Variants in ARIH1 observed in about 807,000 individuals in gnomAD.
ARIH1 encodes the protein E3 ubiquitin-protein ligase ARIH1.
In ARIH1, 8 loss-of-function variants were observed where a neutral mutation model predicts 85.0. The observed-to-expected ratio is 0.09, with a 90% CI of 0.06 to 0.17. ARIH1 has a LOEUF of 0.17. Among genes scored for constraint, ARIH1 ranks in the 10% least tolerant of loss-of-function variants. ARIH1 has a pLI of 1.00. For synonymous variants in ARIH1, 238 were observed against 253.6 expected, an observed-to-expected ratio of 0.94 and a Z score of 0.59; for missense variants, 311 against 718.1, an observed-to-expected ratio of 0.43 and a Z score of 6.48.
chr15:72,480,480 C>T (rs768979733), intron 1 of ARIH1, among the ~76,000 whole-genome samples: 4 of 151,908 alleles, frequency 2.6e-5, no homozygotes, highest in Non-Finnish European at 5.9e-5. Flanking sequence ...AGGCTGGTCT[C>T]GAACTCCTGA....
chr15:72,477,081 C>G (rs191427880), intron 1 of ARIH1, among the ~76,000 whole-genome samples: 2 of 152,248 alleles, frequency 1.3e-5, no homozygotes, highest in East Asian at 3.9e-4. Flanking sequence ...AGAATTTGCT[C>G]ATTTTCAATG....
In ARIH1 at chr15:72,599,380, A is replaced by C. The variant is rs2064374566; in HGVS notation, c.*16088A>C. The C allele has an allele frequency of 1.3e-5, 2 of 152,210 alleles. No individual in the cohort carries two copies. 9.4% of individuals were successfully genotyped at this position (152,210 alleles called of 1,614,324 possible). ...GATAATACAAAGTTAAATTTTGTAG[A>C]ATCATAAAGAAAAGCAACACCTTCC... On this transcript the variant is annotated 3_prime_UTR_variant, in exon 14 of 14. Transcript: ENST00000379887.
chr15:72,487,897 A>G (rs1595849752), intron 1 of ARIH1, among the ~76,000 whole-genome samples: 1 of 151,984 alleles, frequency 6.6e-6, no homozygotes, highest in Non-Finnish European at 1.5e-5. Context: ...ATTTTTTTCA[A>G]TCTCATCTGC....
In ARIH1 at chr15:72,585,955, G is replaced by A. The variant is rs1407338297; in HGVS notation, c.*2663G>A. ...AAGCACCAAGGTCTCCATGTCTTGA[G>A]GTCAGTTTCATTGTCTTTTGAAAAG... On this transcript the variant is annotated 3_prime_UTR_variant, in exon 14 of 14. Coordinates refer to ENST00000379887, the MANE Select transcript of ARIH1 (RefSeq NM_005744.5). 1 of 152,090 alleles carries A rather than the reference G, an allele frequency of 6.6e-6. No individual in the cohort carries two copies. Among genetic ancestry groups the A allele is most frequent in the Non-Finnish European group, 1.5e-5 (1 of 68,002 alleles). The allele number at this position is 152,090 out of a possible 1,614,324, so 9.4% of individuals were successfully genotyped here. A position where few individuals can be genotyped will look rare whatever the true frequency, so the allele number is the denominator to read the frequency against.
rs191909414 is a variant in ARIH1, at chr15:72,507,947, G to C, written c.376-10120G>C. ...CTACAGATGTACTTTTTCGGAGCCT[G>C]TGTAGTGGGAAATTGTTTAGAGCAG... On this transcript the variant is annotated intron_variant, in intron 1 of 13. Coordinates refer to ENST00000379887, the MANE Select transcript of ARIH1 (RefSeq NM_005744.5). Among the ~76,000 whole-genome samples, 9 of 152,324 alleles carry C rather than the reference G, an allele frequency of 5.9e-5. No individual in the cohort carries two copies. The East Asian group carries it at 9.6e-4, about 16-fold the overall frequency.
In ARIH1 at chr15:72,474,433, G is replaced by GCTCC. The variant is rs778274130; in HGVS notation, c.-194_-191dup. 5 of 641,496 alleles carry GCTCC rather than the reference G, an allele frequency of 7.8e-6. No individual in the cohort carries two copies. Among genetic ancestry groups the GCTCC allele is most frequent in the African/African-American group, 1.9e-5 (1 of 51,502 alleles). 39.7% of individuals were successfully genotyped at this position (641,496 alleles called of 1,614,324 possible). ...GAGGCGGGCAGCAAGCGGCCCCCTC[G>GCTCC]CTCCCTCCCTCCCTCCTCCGCGCCC... On this transcript the variant is annotated 5_prime_UTR_variant, in exon 1 of 14. Transcript: ENST00000379887.
chr15:72,475,378 T>G (rs2063790678), intron 1 of ARIH1, among the ~76,000 whole-genome samples: 1 of 151,376 alleles, frequency 6.6e-6, no homozygotes, highest in Non-Finnish European at 1.5e-5. Context: ...AGAAGAGGAG[T>G]CAGGAAGAAT....
At chr15:72,549,567 C>A (rs1312929498) in intron 3 of ARIH1, among the ~76,000 whole-genome samples, 1 of 152,076 alleles carries the variant, frequency 6.6e-6, no homozygotes, top group African/African-American at 2.4e-5. Context: ...TACGTCCCAC[C>A]CTATTTTCCT....
chr15:72,563,001 G>A (rs1395482186), intron 6 of ARIH1, among the ~76,000 whole-genome samples: 1 of 151,902 alleles, frequency 6.6e-6, no homozygotes, highest in Non-Finnish European at 1.5e-5. Flanking sequence ...TACCAGAGAA[G>A]CAATATAAAT....
At chr15:72,554,314 A>G (rs958105362) in intron 3 of ARIH1, among the ~76,000 whole-genome samples, 4 of 152,198 alleles carry the variant, frequency 2.6e-5, no homozygotes, top group Admixed American at 1.3e-4. Context: ...AAGTTGCTGT[A>G]CCATTTTACA....
Position 72,594,808 on chromosome 15 carries a change from C to CTTT in ARIH1, c.*11518_*11519insTTT, listed in dbSNP as rs1595878638. 1 of 41,014 alleles carries CTTT rather than the reference C, an allele frequency of 2.4e-5. No homozygotes were observed. Among genetic ancestry groups the CTTT allele is most frequent in the African/African-American group, 1.1e-4 (1 of 9,124 alleles). The allele number at this position is 41,014 out of a possible 1,614,324, so 2.5% of individuals were successfully genotyped here. On this transcript the variant is annotated 3_prime_UTR_variant, in exon 14 of 14. Transcript: ENST00000379887. ...TTCTTTTTCTGATTTTATGCCTTTTCTTCTTTTTTTTTTTTTTTTTTTTTT... is the reference window on the plus strand; with the variant it reads ...TTCTTTTTCTGATTTTATGCCTTTTCTTTTTCTTTTTTTTTTTTTTTTTTTTTT...
At chr15:72,548,484 A>G (rs1369120934) in intron 3 of ARIH1, among the ~76,000 whole-genome samples, 1 of 152,244 alleles carries the variant, frequency 6.6e-6, no homozygotes, top group Non-Finnish European at 1.5e-5. Flanking sequence ...CAATAAATGT[A>G]ATGAAATTAC....
At chr15:72,568,236 T>C (rs1400426354) in intron 9 of ARIH1, among the ~76,000 whole-genome samples, 2 of 152,128 alleles carry the variant, frequency 1.3e-5, no homozygotes, top group African/African-American at 2.4e-5. Context: ...TGTCAGAAAG[T>C]GGTTACTTGT....
intron 3 of ARIH1, among the ~76,000 whole-genome samples, chr15:72,546,066 C>CT (rs1393772511): frequency 6.6e-6 from 1 of 152,164 alleles, no homozygotes; most frequent in African/African-American, 2.4e-5. Context: ...TCTCACTATG[C>CT]TACCCAGGCT....
intron 5 of ARIH1, among the ~76,000 whole-genome samples, chr15:72,561,189 C>T (rs542923474): frequency 1.3e-5 from 2 of 152,260 alleles, no homozygotes; most frequent in Non-Finnish European, 1.5e-5. Context: ...TGCGCTTATA[C>T]TTGGCACTAG....
At chr15:72,490,398 C>T (rs1204817040) in intron 1 of ARIH1, among the ~76,000 whole-genome samples, 7 of 152,072 alleles carry the variant, frequency 4.6e-5, no homozygotes, top group Non-Finnish European at 8.8e-5. Context: ...AGCTCTGCCT[C>T]GTGTCAGATT....
At chr15:72,492,186 TAAA>T (rs2063862156) in intron 1 of ARIH1, among the ~76,000 whole-genome samples, 1 of 152,180 alleles carries the variant, frequency 6.6e-6, no homozygotes, top group Admixed American at 6.6e-5. Context: ...CAAAGTTTAA[TAAA>T]AAATAATTCT....
At chr15:72,523,880 CA>C (rs1236864774) in intron 2 of ARIH1, among the ~76,000 whole-genome samples, 1 of 144,602 alleles carries the variant, frequency 6.9e-6, no homozygotes, top group East Asian at 2.1e-4. Flanking sequence ...GAAGACACAA[CA>C]TTGAGAATAA....
At chr15:72,483,998 C>T (rs926497141) in intron 1 of ARIH1, among the ~76,000 whole-genome samples, 1 of 150,318 alleles carries the variant, frequency 6.7e-6, no homozygotes, top group Non-Finnish European at 1.5e-5. Flanking sequence ...TGGCGAAACC[C>T]CGTCTCTACT....
Sources: gnomAD v4.1 joint callset for allele counts (sites outside exome capture counted in the v4.1 genomes callset) on GRCh38, gnomAD v4.1.1 for gene constraint, MANE v1.5 for transcripts, NCBI Gene and HGNC (gene_info 2026-07-23, HGNC 2026-07-21) for gene names.